Variants in TTLL3 observed in about 807,000 individuals in gnomAD.
TTLL3 encodes the protein tubulin tyrosine ligase like 3.
TTLL3 carries 63 observed loss-of-function variants against 75.2 expected under a neutral mutation model. That is an observed-to-expected ratio of 0.84 (90% CI 0.68 to 1.03). The LOEUF (loss-of-function observed/expected upper bound fraction) is 1.03, where lower values mean the gene tolerates loss of function less well. Among genes scored for constraint, TTLL3 ranks in the 50% least tolerant of loss-of-function variants. The probability of loss-of-function intolerance (pLI) is 0.00; values close to 1 mark genes in which losing one functional copy is unlikely to be tolerated. For missense variants in TTLL3, 997 were observed against 1,069.9 expected, an observed-to-expected ratio of 0.93 and a Z score of 0.95; for synonymous variants, 393 against 418.5, an observed-to-expected ratio of 0.94 and a Z score of 0.74.
chr3:9,828,745 C>G, intron 10 of TTLL3: 1 of 632,802 alleles, frequency 1.6e-6, no homozygotes, highest in Non-Finnish European at 2.7e-6. Flanking sequence ...AACTAGCGCC[C>G]TCAGAGCAGC....
At chr3:9,821,474 G>A (rs1275702409) in intron 8 of TTLL3, among the ~76,000 whole-genome samples, 1 of 152,194 alleles carries the variant, frequency 6.6e-6, no homozygotes, top group Non-Finnish European at 1.5e-5. Flanking sequence ...AGACCTGCAG[G>A]AAGCCAGGTG....
At chr3:9,825,186 C>CA (rs935918558) in intron 8 of TTLL3, among the ~76,000 whole-genome samples, 24 of 151,970 alleles carry the variant, frequency 1.6e-4, no homozygotes, top group Non-Finnish European at 3.2e-4. Context: ...CCCATCTCTG[C>CA]AAAAAATAAA....
chr3:9,828,165 TTA>T (rs2081229436), intron 10 of TTLL3: 1 of 148,712 alleles, frequency 6.7e-6, no homozygotes, highest in African/African-American at 2.5e-5. Context: ...AAAAAAAAGA[TTA>T]TATTTGTCGT....
chr3:9,834,259 C>T (rs1046736583), intron 12 of TTLL3: 13 of 407,718 alleles, frequency 3.2e-5, no homozygotes, highest in Admixed American at 8.1e-5. Context: ...CCAGCGCCCA[C>T]GCTTTTCCCA....
At chr3:9,812,507 C>G (rs2079448633) in intron 2 of TTLL3, among the ~76,000 whole-genome samples, 1 of 150,970 alleles carries the variant, frequency 6.6e-6, no homozygotes. Context: ...AAGACTCCGT[C>G]TCAAAAAAAA....
Position 9,835,450 on chromosome 3 carries a change from G to A in TTLL3, c.2409G>A (p.Gly803=). Residue 803 remains glycine, a synonymous_variant, in exon 14 of 14, where the codon GGG becomes GGA. Transcript: ENST00000685419. ...CTGTTGGAGGGTCAAGAGTGGATGG[G>A]GCGAGGCCGTGTACCCCAGGGTCCA... ...SIAVGGSRVD[G]ARPCTPGSTA... is the part of the protein sequence containing the mutation. The A allele has an allele frequency of 6.2e-7, 1 of 1,610,458 alleles. No individual in the cohort carries two copies. The highest frequency in any genetic ancestry group is 1.1e-5 in the South Asian group (1 of 90,768).
At chr3:9,817,791 T>C (rs1282300994) in intron 6 of TTLL3, 32 bp downstream of exon 6, 23 of 1,613,554 alleles carry the variant, frequency 1.4e-5, no homozygotes, top group African/African-American at 2.7e-5. Flanking sequence ...TGCCTGAACC[T>C]CAGGCTGACA....
At chr3:9,826,641 GAGAATC>G (rs1256042658) in intron 9 of TTLL3, among the ~76,000 whole-genome samples, 1 of 150,904 alleles carries the variant, frequency 6.6e-6, no homozygotes, top group Non-Finnish European at 1.5e-5. Context: ...GCTGAGGCAG[GAGAATC>G]ACTTGAACCC....
chr3:9,830,889 G>A (rs1015013455), intron 11 of TTLL3, among the ~76,000 whole-genome samples: 2 of 151,964 alleles, frequency 1.3e-5, no homozygotes, highest in Admixed American at 6.6e-5. Context: ...TGCAAGCTGC[G>A]CCTCCCGGGT....
intron 4 of TTLL3, among the ~76,000 whole-genome samples, chr3:9,813,658 A>G (rs1243483759): frequency 1.3e-5 from 2 of 151,982 alleles, no homozygotes; most frequent in African/African-American, 2.4e-5. Flanking sequence ...GGTGGCATGT[A>G]CCTGTAGTCC....
rs376121879 is a variant in TTLL3 at position 9,820,741 on chromosome 3, A to C, written c.854A>C (p.His285Pro). 13 of 1,613,858 alleles carry C rather than the reference A, an allele frequency of 8.1e-6. No homozygotes were observed. The highest frequency in any genetic ancestry group is 1.0e-5 in the Non-Finnish European group (12 of 1,179,906). Reference sequence around the variant, plus strand: ...CTCCAGCGCTACTACCAAGTGGTCCAGTGAGTCCCCTGCAGCTGGGACTTT... The same window carrying C: ...CTCCAGCGCTACTACCAAGTGGTCCCGTGAGTCCCCTGCAGCTGGGACTTT... The part of the protein sequence containing the change: ...LFLQRYYQVV[H>P]EGAELRHLDT... Residue 285 changes from histidine to proline, a missense_variant and splice_region_variant, in exon 8 of 14, where the codon CAC becomes CCC. By Grantham distance (77) the His-to-Pro change is moderately conservative. Coordinates refer to ENST00000685419, the MANE Select transcript of TTLL3 (RefSeq NM_001387446.1).
At chr3:9,819,394 TGTTA>T in intron 7 of TTLL3, 2 of 494,672 alleles carry the variant, frequency 4.0e-6, no homozygotes, top group Non-Finnish European at 5.3e-6. Context: ...CCCATCCGTT[TGTTA>T]GTTGATCCAC....
At chr3:9,824,081 T>C (rs1283161934) in intron 8 of TTLL3, among the ~76,000 whole-genome samples, 1 of 152,202 alleles carries the variant, frequency 6.6e-6, no homozygotes, top group African/African-American at 2.4e-5. Flanking sequence ...ATGGGGATTA[T>C]AGCAGAGAAC....
chr3:9,835,435 G>C lies in TTLL3; in HGVS notation c.2394G>C (p.Gly798=). The change falls in exon 14 of 14, where the codon GGG becomes GGC. Residue 798 remains glycine, a synonymous_variant. Coordinates refer to ENST00000685419, the MANE Select transcript of TTLL3 (RefSeq NM_001387446.1). ...GGCTTGACTCCATTGCTGTTGGAGG[G>C]TCAAGAGTGGATGGGGCGAGGCCGT... ...YLGLDSIAVG[G]SRVDGARPCT... is the part of the protein sequence containing the mutation. 1 of 1,612,398 alleles carries C rather than the reference G, an allele frequency of 6.2e-7. No homozygotes were observed. Among genetic ancestry groups the C allele is most frequent in the South Asian group, 1.1e-5 (1 of 90,966 alleles).
At chr3:9,811,731 C>T (rs1276075070) in intron 2 of TTLL3, among the ~76,000 whole-genome samples, 2 of 152,218 alleles carry the variant, frequency 1.3e-5, no homozygotes, top group Non-Finnish European at 2.9e-5. Flanking sequence ...CACTGCCTAC[C>T]TCCTCTGGGG....
chr3:9,810,580 A>C lies in TTLL3; in HGVS notation c.-41-41A>C, dbSNP rs2079257415. On this transcript the variant is annotated intron_variant, in intron 1 of 13. Coordinates refer to ENST00000685419, the MANE Select transcript of TTLL3 (RefSeq NM_001387446.1). This position sits in a 1 kb window ranked among gnomAD's most constrained non-coding sequence, Gnocchi z 4.4. ...GATCCTAGGCCGAGACCCTAGGCCC[A>C]GCCTCAGTGTACCCCGCCCCTATTC... The C allele has an allele frequency of 6.5e-7, 1 of 1,544,640 alleles. No individual in the cohort carries two copies. Among genetic ancestry groups the C allele is most frequent in the Non-Finnish European group, 8.7e-7 (1 of 1,143,714 alleles).
At chr3:9,822,210 C>T (rs947879284) in intron 8 of TTLL3, among the ~76,000 whole-genome samples, 14 of 150,686 alleles carry the variant, frequency 9.3e-5, no homozygotes, top group African/African-American at 1.2e-4. Flanking sequence ...GGATTACAGG[C>T]GCCCACCACC....
chr3:9,813,253 G>T lies in TTLL3; in HGVS notation c.223G>T (p.Glu75Ter), dbSNP rs781768964. 1 of 1,614,252 alleles carries T rather than the reference G, an allele frequency of 6.2e-7. No individual in the cohort carries two copies. The highest frequency in any genetic ancestry group is 1.7e-5 in the Admixed American group (1 of 60,028). The change falls in exon 4 of 14, where the codon GAA (glutamate) becomes TAA (stop). Residue 75 changes from glutamate to a stop codon, truncating the protein, a stop_gained. Transcript: ENST00000685419. LOFTEE classifies it high-confidence loss of function. The part of the protein sequence containing the change: ...GDSDTTEDED[E>*]DEDEEFQPSQ... ...TCTGGGCTCTGCATCCACAGAGGATGAAGATGAGGACGAGGAGTTCCAGCC... is the reference window on the plus strand; with the variant it reads ...TCTGGGCTCTGCATCCACAGAGGATTAAGATGAGGACGAGGAGTTCCAGCC...
intron 5 of TTLL3, chr3:9,817,347 C>T: frequency 2.5e-6 from 2 of 805,898 alleles, no homozygotes; most frequent in Non-Finnish European, 3.0e-6. Context: ...TGGTGTGAAC[C>T]CGGGAGGCAG....
Sources: gnomAD v4.1 joint callset for allele counts (sites outside exome capture counted in the v4.1 genomes callset) on GRCh38, gnomAD v4.1.1 for gene constraint, Gnocchi (gnomAD v3.1) non-coding constraint, MANE v1.5 for transcripts, NCBI Gene and HGNC (gene_info 2026-07-23, HGNC 2026-07-21) for gene names.